Variants in NID1 observed in about 807,000 individuals in gnomAD.
NID1 encodes nidogen-1.
NID1 carries 76 observed loss-of-function variants against 130.6 expected under a neutral mutation model. The observed-to-expected ratio is 0.58, with a 90% confidence interval of 0.48 to 0.70. NID1 has a LOEUF of 0.70. Among genes scored for constraint, NID1 ranks in the 30% least tolerant of loss-of-function variants. The probability of loss-of-function intolerance (pLI) is 0.00; values close to 1 mark genes in which losing one functional copy is unlikely to be tolerated. For missense variants in NID1, 1,517 were observed against 1,664.8 expected, an observed-to-expected ratio of 0.91 and a Z score of 1.54; for synonymous variants, 665 against 675.1, an observed-to-expected ratio of 0.98 and a Z score of 0.23.
chr1:236,020,442 C>CAAA (rs1443031049), intron 9 of NID1, among the ~76,000 whole-genome samples: 1 of 152,166 alleles, frequency 6.6e-6, no homozygotes, highest in East Asian at 1.9e-4. Context: ...GACGATTACT[C>CAAA]AATGAGAGAT....
intron 1 of NID1, among the ~76,000 whole-genome samples, chr1:236,056,047 A>G (rs1659891360): frequency 6.6e-6 from 1 of 152,200 alleles, no homozygotes. Flanking sequence ...GAGACAAGGT[A>G]GTCTCTCCAA....
intron 5 of NID1, among the ~76,000 whole-genome samples, chr1:236,034,122 A>G (rs541214305): frequency 2.6e-5 from 4 of 152,304 alleles, no homozygotes; most frequent in Admixed American, 2.0e-4. Flanking sequence ...ATATTATTTA[A>G]CTAGAAAAAG....
intron 1 of NID1, among the ~76,000 whole-genome samples, chr1:236,052,985 A>G (rs1196834667): frequency 1.3e-5 from 2 of 152,236 alleles, no homozygotes; most frequent in Admixed American, 6.5e-5. Context: ...ATTATGCACC[A>G]ATGAATTATA....
At chr1:235,992,209 G>C (rs1657769348) in intron 13 of NID1, among the ~76,000 whole-genome samples, 1 of 152,180 alleles carries the variant, frequency 6.6e-6, no homozygotes. Context: ...GCTGGACAAG[G>C]TTGTCCCCAA....
chr1:236,029,847 T>C, intron 6 of NID1, 97 bp from the exon 7 acceptor site: 2 of 1,091,450 alleles, frequency 1.8e-6, no homozygotes, highest in Non-Finnish European at 2.7e-6. Flanking sequence ...GTGCGAACGC[T>C]TCTGCAGGTG....
chr1:236,038,223 G>C lies in NID1; in HGVS notation c.1166C>G (p.Thr389Arg). The C allele has an allele frequency of 6.2e-7, 1 of 1,613,252 alleles. No individual in the cohort carries two copies. The highest frequency in any genetic ancestry group is 1.1e-5 in the South Asian group (1 of 90,998). Residue 389 changes from threonine (T) to arginine (R), a missense_variant, in exon 5 of 20, where the codon ACG becomes AGG. Thr to Arg is a moderately conservative substitution (Grantham distance 71, BLOSUM62 -1). This residue lies in a region of NID1 where 1,329 missense variants were observed against 1,429.2 expected (regional missense o/e 0.93). Coordinates refer to ENST00000264187, the MANE Select transcript of NID1 (RefSeq NM_002508.3). ...VFSYNTDSRQ[T>R]CANNRHQCSV... Reference sequence around the variant, plus strand: ...GCACTGGTGTCTGTTGTTAGCACACGTCTGGCGGGAATCCGTGTTATAGCT... The same window carrying C: ...GCACTGGTGTCTGTTGTTAGCACACCTCTGGCGGGAATCCGTGTTATAGCT...
At chr1:236,007,461 A>G (rs903134321) in intron 12 of NID1, among the ~76,000 whole-genome samples, 8 of 151,984 alleles carry the variant, frequency 5.3e-5, no homozygotes, top group Non-Finnish European at 1.2e-4. Context: ...ACTTGGGCAG[A>G]CCCCTGTCAC....
chr1:236,044,920 C>T (rs533980706), intron 3 of NID1, among the ~76,000 whole-genome samples: 19 of 152,152 alleles, frequency 1.2e-4, no homozygotes, highest in South Asian at 8.3e-4. Flanking sequence ...GTCTTAAGGC[C>T]GGGCGCGGCA....
intron 9 of NID1, among the ~76,000 whole-genome samples, chr1:236,019,540 C>A (rs1254033361): frequency 6.6e-6 from 1 of 152,182 alleles, no homozygotes; most frequent in Non-Finnish European, 1.5e-5. Context: ...CTAGCCCTAC[C>A]TGAAAAGCTA....
rs1404463522 is a variant in NID1 at position 235,979,812 on chromosome 1, G to A, written c.3509+10C>T. ...GGCCCACGCAGCCCCCATGGCTACAGCTGACGTACATCTTCCAGTCTGTGA... is the reference window on the plus strand; with the variant it reads ...GGCCCACGCAGCCCCCATGGCTACAACTGACGTACATCTTCCAGTCTGTGA... On this transcript the variant is annotated intron_variant, in intron 18 of 19. Transcript: ENST00000264187. This position sits in a 1 kb window ranked among gnomAD's most constrained non-coding sequence, Gnocchi z 4.6. 1 of 1,613,240 alleles carries A rather than the reference G, an allele frequency of 6.2e-7. No homozygotes were observed. Among genetic ancestry groups the A allele is most frequent in the Non-Finnish European group, 8.5e-7 (1 of 1,179,450 alleles).
At chr1:236,020,559 T>C (rs2102822412) in intron 9 of NID1, among the ~76,000 whole-genome samples, 1 of 152,290 alleles carries the variant, frequency 6.6e-6, no homozygotes, top group South Asian at 2.1e-4. Flanking sequence ...CAAATTACTG[T>C]GGAGAGTCAC....
intron 5 of NID1, among the ~76,000 whole-genome samples, chr1:236,035,855 G>A (rs1374510497): frequency 1.3e-5 from 2 of 152,170 alleles, no homozygotes; most frequent in African/African-American, 2.4e-5. Flanking sequence ...GCGCAAAAAG[G>A]TATCCCAAGA....
intron 19 of NID1, among the ~76,000 whole-genome samples, chr1:235,978,485 A>C (rs1657338688): frequency 6.6e-6 from 1 of 152,288 alleles, no homozygotes; most frequent in East Asian, 1.9e-4. Flanking sequence ...AAGTTGCTTC[A>C]GTTTGCTTAT....
rs777234844 is a variant in NID1, at chr1:236,038,163, C to G, written c.1226G>C (p.Gly409Ala). 1.9e-6 allele frequency: 3 copies of G among 1,611,542 alleles called. No individual in the cohort carries two copies. Among genetic ancestry groups the G allele is most frequent in the Admixed American group, 3.3e-5 (2 of 59,930 alleles). Reference sequence around the variant, plus strand: ...GCCAGCGACACAGCTGCAGCAGAAGCCCGTGGCGTAGTCCCTGCACTCTGC... The same window carrying G: ...GCCAGCGACACAGCTGCAGCAGAAGGCCGTGGCGTAGTCCCTGCACTCTGC... ...VHAECRDYAT[G>A]FCCSCVAGYT... Residue 409 changes from glycine (G) to alanine (A), a missense_variant, in exon 5 of 20, where the codon GGC (glycine) becomes GCC (alanine). By Grantham distance (60) the Gly-to-Ala change is moderately conservative. This residue lies in a region of NID1 where 1,329 missense variants were observed against 1,429.2 expected (regional missense o/e 0.93). Transcript: ENST00000264187.
rs113131044 is a variant in NID1 at position 235,979,140 on chromosome 1, A to C, written c.3510-33T>G. On this transcript the variant is annotated intron_variant, in intron 18 of 19. Transcript: ENST00000264187. This position sits in a 1 kb window ranked among gnomAD's most constrained non-coding sequence, Gnocchi z 4.6. ...GCACCAAAGGGCAGAAGGTGAAAAC[A>C]CATCTGATGGCTTGAACTTGTATCT... The C allele has an allele frequency of 3.7e-6, 5 of 1,363,172 alleles. No homozygotes were observed. The African/African-American group carries it at 5.7e-5, about 16-fold the overall frequency. The allele number at this position is 1,363,172 out of a possible 1,614,324, so 84.4% of individuals were successfully genotyped here. A position where few individuals can be genotyped will look rare whatever the true frequency, so the allele number is the denominator to read the frequency against.
chr1:235,982,693 T>C (rs1476634101), intron 15 of NID1, among the ~76,000 whole-genome samples: 2 of 152,164 alleles, frequency 1.3e-5, no homozygotes, highest in Admixed American at 6.5e-5. Flanking sequence ...TTTTATTATA[T>C]AGTTTTTTTA....
At chr1:236,010,193 T>C (rs561433153) in intron 12 of NID1, among the ~76,000 whole-genome samples, 1 of 152,276 alleles carries the variant, frequency 6.6e-6, no homozygotes, top group South Asian at 2.1e-4. Flanking sequence ...TGAGTAGTGG[T>C]ATTTGTTCCC....
intron 1 of NID1, 67 bp from the exon 2 acceptor site, chr1:236,049,056 C>A (rs888228979): frequency 2.0e-5 from 29 of 1,476,662 alleles, no homozygotes; most frequent in Non-Finnish European, 2.6e-5. Context: ...GACTGAGCAC[C>A]CACTCCTAGA....
chr1:236,030,489 A>C (rs1018549733), intron 6 of NID1, among the ~76,000 whole-genome samples: 1 of 152,240 alleles, frequency 6.6e-6, no homozygotes, highest in Non-Finnish European at 1.5e-5. Context: ...AAAGAACAGT[A>C]TTTCATGGTA....
Sources: allele counts gnomAD v4.1 joint callset (sites outside exome capture counted in the v4.1 genomes callset), GRCh38; gene constraint gnomAD v4.1.1; regional missense constraint gnomAD v4.1.1; non-coding constraint Gnocchi (gnomAD v3.1); transcripts MANE v1.5; gene names NCBI Gene and HGNC (gene_info 2026-07-23, HGNC 2026-07-21).